XIRP2: variants seen among roughly 807,000 people sequenced by gnomAD.
XIRP2 encodes the protein xin actin-binding repeat-containing protein 2.
In XIRP2, 236 loss-of-function variants were observed where a neutral mutation model predicts 277.0. That is an observed-to-expected ratio of 0.85 (90% CI 0.77 to 0.95). XIRP2 has a LOEUF of 0.95. Among genes scored for constraint, XIRP2 ranks in the 40% least tolerant of loss-of-function variants. XIRP2 has a pLI of 0.00. For synonymous variants in XIRP2, 1,490 were observed against 1,416.5 expected (o/e 1.05, Z -1.17); for missense variants, 4,640 against 4,157.5 (o/e 1.12, Z -3.19).
intron 2 of XIRP2, among the ~76,000 whole-genome samples, chr2:166,907,238 A>G (rs1684547110): frequency 6.6e-6 from 1 of 152,210 alleles, no homozygotes; most frequent in African/African-American, 2.4e-5. Flanking sequence ...TAAATGACAT[A>G]GAACATAATT....
At chr2:167,009,203 T>TCCCTCCC (rs1558945658) in intron 2 of XIRP2, among the ~76,000 whole-genome samples, 1 of 121,414 alleles carries the variant, frequency 8.2e-6, no homozygotes, top group African/African-American at 3.1e-5. Context: ...CCTAAAGTTA[T>TCCCTCCC]CCCTCCCCCC....
chr2:167,012,249 T>C (rs989679034), intron 2 of XIRP2, among the ~76,000 whole-genome samples: 9 of 151,936 alleles, frequency 5.9e-5, no homozygotes, highest in Admixed American at 2.0e-4. Context: ...CCAGAGATTC[T>C]GGTATGTTGT....
intron 5 of XIRP2, among the ~76,000 whole-genome samples, chr2:167,224,849 C>T (rs1694545249): frequency 6.6e-6 from 1 of 152,142 alleles, no homozygotes; most frequent in African/African-American, 2.4e-5. Flanking sequence ...CACACCTTGG[C>T]TTTCTTTTCT....
chr2:167,071,152 A>C (rs1689428025), intron 2 of XIRP2, among the ~76,000 whole-genome samples: 1 of 152,174 alleles, frequency 6.6e-6, no homozygotes. Flanking sequence ...GAAAGTCAAT[A>C]AAATTACTTC....
At chr2:166,949,787 T>C (rs1369669413) in intron 2 of XIRP2, among the ~76,000 whole-genome samples, 1 of 152,102 alleles carries the variant, frequency 6.6e-6, no homozygotes, top group East Asian at 1.9e-4. Context: ...TGCATTAACA[T>C]AAAGTTCCTT....
chr2:167,157,293 T>G (rs1028990653), intron 3 of XIRP2, among the ~76,000 whole-genome samples: 8 of 123,600 alleles, frequency 6.5e-5, no homozygotes, highest in Non-Finnish European at 1.4e-4. Flanking sequence ...AAGCATTCAT[T>G]TATTTATTTA....
At chr2:167,086,186 T>C (rs947245119) in intron 2 of XIRP2, among the ~76,000 whole-genome samples, 39 of 152,180 alleles carry the variant, frequency 2.6e-4, no homozygotes, top group Non-Finnish European at 4.3e-4. Context: ...GTATTTTATT[T>C]CTCCTGCACT....
At chr2:167,021,865 TTTGA>T (rs1687992838) in intron 2 of XIRP2, among the ~76,000 whole-genome samples, 1 of 152,162 alleles carries the variant, frequency 6.6e-6, no homozygotes, top group East Asian at 1.9e-4. Context: ...ATAAAAATAA[TTTGA>T]TTACTTCTTA....
At chr2:167,236,811 G>A (rs1002705710) in intron 5 of XIRP2, among the ~76,000 whole-genome samples, 1 of 152,050 alleles carries the variant, frequency 6.6e-6, no homozygotes, top group East Asian at 1.9e-4. Context: ...ATGGTGACCC[G>A]AACAGAGTTG....
At position 167,251,828 on chromosome 2, in the gene XIRP2, A is replaced by C. The variant is rs201983151; in HGVS notation, c.10436A>C (p.Asn3479Thr). The stretch of plus-strand genomic sequence containing the variant: ...GATTCACCTAAAGAAGTAAGAAAAA[A>C]TTTTCAAAAGACGTGGCAAGAGAGT... Reference protein sequence around the residue: ...ISDSPKEVRKNFQKTWQESGR... With the variant: ...ISDSPKEVRKTFQKTWQESGR... The change falls in exon 9 of 11, where the codon AAT becomes ACT. Residue 3479 changes from asparagine (N) to threonine (T), a missense_variant. Physicochemically the swap from Asn to Thr is moderately conservative, Grantham distance 65. Transcript: ENST00000409195. 234 of 1,613,290 alleles carry C rather than the reference A, an allele frequency of 1.5e-4. No individual in the cohort carries two copies. The African/African-American group carries it at 2.9e-3, about 20-fold the overall frequency.
At chr2:166,979,777 T>A (rs561287786) in intron 2 of XIRP2, among the ~76,000 whole-genome samples, 1 of 152,282 alleles carries the variant, frequency 6.6e-6, no homozygotes, top group South Asian at 2.1e-4. Context: ...ATTGATTAAT[T>A]TCGATTGCCA....
chr2:167,147,057 AC>A (rs1412066458), intron 3 of XIRP2, among the ~76,000 whole-genome samples: 1 of 152,202 alleles, frequency 6.6e-6, no homozygotes, highest in Admixed American at 6.5e-5. Context: ...ACATGTTAAA[AC>A]AAACCAAAAC....
intron 2 of XIRP2, among the ~76,000 whole-genome samples, chr2:166,968,093 G>A (rs1281199324): frequency 6.6e-6 from 1 of 151,946 alleles, no homozygotes; most frequent in African/African-American, 2.4e-5. Flanking sequence ...AGAAGTTTAT[G>A]CTAGCTAAAC....
chr2:166,994,492 TAAA>T (rs199932317), intron 2 of XIRP2, among the ~76,000 whole-genome samples: 32 of 109,176 alleles, frequency 2.9e-4, no homozygotes, highest in Admixed American at 7.8e-4. Context: ...AAAAAAAAAT[TAAA>T]AAAAAAAAAA....
In XIRP2 at chr2:167,258,197, C is replaced by T. The variant is rs752946820; in HGVS notation, c.*380C>T. The T allele has an allele frequency of 1.2e-6, 2 of 1,612,998 alleles. No homozygotes were observed. Among genetic ancestry groups the T allele is most frequent in the Middle Eastern group, 1.7e-4 (1 of 6,056 alleles). Reference sequence around the variant, plus strand: ...CAAGGAGATCCCTAAGAAAACCTTACCCTTTGAGGAAGAGCTCAAAATGAG... The same window carrying T: ...CAAGGAGATCCCTAAGAAAACCTTATCCTTTGAGGAAGAGCTCAAAATGAG... On this transcript the variant is annotated 3_prime_UTR_variant, in exon 11 of 11. Transcript: ENST00000409195.
At chr2:167,061,282 A>T (rs1345270301) in intron 2 of XIRP2, among the ~76,000 whole-genome samples, 1 of 152,140 alleles carries the variant, frequency 6.6e-6, no homozygotes, top group East Asian at 1.9e-4. Context: ...ATGAACAATC[A>T]TGTTACCTGT....
chr2:166,976,421 A>G (rs1176451212), intron 2 of XIRP2, among the ~76,000 whole-genome samples: 2 of 152,150 alleles, frequency 1.3e-5, no homozygotes, highest in South Asian at 4.1e-4. Flanking sequence ...GGAGTATAAT[A>G]AATGTTTTCT....
intron 5 of XIRP2, among the ~76,000 whole-genome samples, chr2:167,231,664 C>T (rs187738805): frequency 2.0e-5 from 3 of 151,874 alleles, no homozygotes; most frequent in Admixed American, 2.0e-4. Context: ...CATACACTCA[C>T]TCTCCTAGCT....
intron 2 of XIRP2, among the ~76,000 whole-genome samples, chr2:166,983,737 C>T (rs923036488): frequency 6.6e-6 from 1 of 152,130 alleles, no homozygotes; most frequent in Non-Finnish European, 1.5e-5. Flanking sequence ...AGACAAAGAG[C>T]CAGGGGAGAC....
Sources: gnomAD v4.1 joint callset for allele counts (sites outside exome capture counted in the v4.1 genomes callset) on GRCh38, gnomAD v4.1.1 for gene constraint, MANE v1.5 for transcripts, NCBI Gene and HGNC (gene_info 2026-07-23, HGNC 2026-07-21) for gene names.